Variants in PRDM5 observed in about 807,000 individuals in gnomAD.
The protein encoded by PRDM5 is PR domain zinc finger protein 5.
In PRDM5, 56 loss-of-function variants were observed where a neutral mutation model predicts 81.2. That is an observed-to-expected ratio of 0.69 (90% CI 0.56 to 0.86). PRDM5 has a LOEUF of 0.86. PRDM5 is among the 40% of genes least tolerant of loss of function. The pLI, the probability that PRDM5 is intolerant of heterozygous loss-of-function variation, is 0.00. For missense variants in PRDM5, 697 were observed against 770.1 expected, an observed-to-expected ratio of 0.91 and a Z score of 1.12; for synonymous variants, 267 against 256.4, an observed-to-expected ratio of 1.04 and a Z score of -0.39.
At chr4:120,852,803 CT>C (rs11383705) in intron 3 of PRDM5, among the ~76,000 whole-genome samples, 48 of 138,756 alleles carry the variant, frequency 3.5e-4, no homozygotes, top group African/African-American at 4.8e-4. Context: ...TATATCCTTT[CT>C]TTTTTTTTTT....
At position 120,821,216 on chromosome 4, in the gene PRDM5, C is replaced by G; in HGVS notation, c.430G>C (p.Gly144Arg). The G allele has an allele frequency of 6.2e-7, 1 of 1,614,170 alleles. No homozygotes were observed. Among genetic ancestry groups the G allele is most frequent in the Non-Finnish European group, 8.5e-7 (1 of 1,180,030 alleles). ...TGTCTTCTAGAATTTTCAACTTCCC[C>G]TTCTTTGATGACTGTCATAATTTGC... ...EQQIMTVIKE[G>R]EVENSRRQST... Residue 144 changes from glycine to arginine, a missense_variant, in exon 4 of 16, where the codon GGG becomes CGG. Coordinates refer to ENST00000264808, the MANE Select transcript of PRDM5 (RefSeq NM_018699.4).
intron 2 of PRDM5, among the ~76,000 whole-genome samples, chr4:120,886,417 A>C (rs1763444510): frequency 6.6e-6 from 1 of 152,218 alleles, no homozygotes; most frequent in South Asian, 2.1e-4. Flanking sequence ...TAATAACTGC[A>C]AAGAATGAGA....
At chr4:120,686,645 G>A (rs190522486) in intron 1 of PRDM5, among the ~76,000 whole-genome samples, 215 of 152,034 alleles carry the variant, frequency 1.4e-3, no homozygotes, top group African/African-American at 5.1e-3. Flanking sequence ...TTAATTTGGT[G>A]TTTAAATAAG....
chr4:120,707,038 G>A (rs1736273071), intron 15 of PRDM5, among the ~76,000 whole-genome samples: 1 of 151,888 alleles, frequency 6.6e-6, no homozygotes, highest in Admixed American at 6.6e-5. Context: ...AAAGACAGAA[G>A]AGGAGGAAAC....
At chr4:120,896,989 T>C (rs1161893786) in intron 2 of PRDM5, 5 of 149,694 alleles carry the variant, frequency 3.3e-5, no homozygotes, top group Admixed American at 6.6e-5. Flanking sequence ...AGCCTTCCTA[T>C]AGTTTTTTTT....
intron 14 of PRDM5, among the ~76,000 whole-genome samples, chr4:120,736,639 C>T (rs754184863): frequency 2.8e-4 from 42 of 152,278 alleles, no homozygotes; most frequent in African/African-American, 8.7e-4. Context: ...TTTTACTCCA[C>T]GACCCACCCA....
intron 1 of PRDM5, among the ~76,000 whole-genome samples, chr4:120,914,455 AG>A: frequency 6.6e-6 from 1 of 152,284 alleles, no homozygotes; most frequent in Non-Finnish European, 1.5e-5. Context: ...ATTTTTTTAA[AG>A]GGATGAGAAG....
At chr4:120,722,837 G>C (rs191642273) in intron 14 of PRDM5, among the ~76,000 whole-genome samples, 7 of 152,300 alleles carry the variant, frequency 4.6e-5, no homozygotes, top group African/African-American at 1.4e-4. Context: ...AGGAGAGGCT[G>C]CTGGAGCTGC....
chr4:120,900,151 G>A (rs1421446632), intron 2 of PRDM5, among the ~76,000 whole-genome samples: 5 of 152,110 alleles, frequency 3.3e-5, no homozygotes, highest in Admixed American at 2.6e-4. Flanking sequence ...GGGTTTTTAT[G>A]GAAGCTTCAT....
At chr4:120,809,591 A>G (rs1036969852) in intron 8 of PRDM5, among the ~76,000 whole-genome samples, 1 of 152,224 alleles carries the variant, frequency 6.6e-6, no homozygotes, top group African/African-American at 2.4e-5. Context: ...ATTTTCAAGA[A>G]GAATCATAAT....
At position 120,828,211 on chromosome 4, in the gene PRDM5, T is replaced by C. The variant is rs111971594; in HGVS notation, c.301-6866A>G. 4.3e-3 allele frequency among the ~76,000 whole-genome samples: 654 copies of C among 152,184 alleles called. 2 individuals carry two copies. Among genetic ancestry groups the C allele is most frequent in the African/African-American group, 0.015 (614 of 41,536 alleles). ...ACTTGTCTTAGTCTAGCTTTCCTCATCTATAAAGTGGGTTCAATAGTATCT... is the reference window on the plus strand; with the variant it reads ...ACTTGTCTTAGTCTAGCTTTCCTCACCTATAAAGTGGGTTCAATAGTATCT... On this transcript the variant is annotated intron_variant, in intron 3 of 15. Coordinates refer to ENST00000264808, the MANE Select transcript of PRDM5 (RefSeq NM_018699.4).
At chr4:120,766,087 G>A (rs915873617) in intron 13 of PRDM5, among the ~76,000 whole-genome samples, 1 of 151,914 alleles carries the variant, frequency 6.6e-6, no homozygotes, top group Non-Finnish European at 1.5e-5. Context: ...AGCCTCATGA[G>A]TAGCTGGGAT....
intron 8 of PRDM5, among the ~76,000 whole-genome samples, chr4:120,807,120 C>G (rs529737457): frequency 5.2e-4 from 79 of 152,296 alleles, no homozygotes; most frequent in African/African-American, 1.9e-3. Flanking sequence ...CACTGGCCAT[C>G]AGAGAAATGC....
chr4:120,781,361 C>G lies in PRDM5; in HGVS notation c.1283-58G>C, dbSNP rs116566216. ...TAGCAGGGTCCTATTAATTTCCTCC[C>G]ATGTATGCCAGACTTAGTTGCTTTC... is the stretch of plus-strand genomic sequence containing the variant. On this transcript the variant is annotated intron_variant, in intron 11 of 15. Coordinates refer to ENST00000264808, the MANE Select transcript of PRDM5 (RefSeq NM_018699.4). 14,555 of 1,482,750 alleles carry G rather than the reference C, an allele frequency of 9.8e-3. 84 individuals carry two copies. The highest frequency in any genetic ancestry group is 0.013 in the Non-Finnish European group (13,410 of 1,068,694). 91.8% of individuals were successfully genotyped at this position (1,482,750 alleles called of 1,614,324 possible).
At chr4:120,900,119 A>G (rs1765076147) in intron 2 of PRDM5, among the ~76,000 whole-genome samples, 1 of 152,092 alleles carries the variant, frequency 6.6e-6, no homozygotes, top group Non-Finnish European at 1.5e-5. Context: ...TTATCTGGAA[A>G]CCCTCAGAAC....
intron 8 of PRDM5, among the ~76,000 whole-genome samples, chr4:120,811,037 T>C (rs1753760121): frequency 6.6e-6 from 1 of 152,146 alleles, no homozygotes; most frequent in Admixed American, 6.5e-5. Flanking sequence ...TCCTTCTCTT[T>C]TGTAAAGAAA....
intron 9 of PRDM5, among the ~76,000 whole-genome samples, chr4:120,799,138 C>T (rs1475016520): frequency 4.6e-5 from 7 of 152,070 alleles, no homozygotes; most frequent in African/African-American, 1.4e-4. Context: ...TAAAACAGAG[C>T]TATTCATAAG....
intron 2 of PRDM5, among the ~76,000 whole-genome samples, chr4:120,882,921 G>A (rs916899667): frequency 6.6e-5 from 10 of 152,106 alleles, no homozygotes; most frequent in African/African-American, 2.4e-4. Context: ...AAAGAATAAA[G>A]CTGTTTGGTA....
In PRDM5 at chr4:120,732,711, T is replaced by C. The variant is rs1411237432; in HGVS notation, c.1623+21842A>G. 3.0e-4 allele frequency among the ~76,000 whole-genome samples: 45 copies of C among 152,350 alleles called. No individual in the cohort carries two copies. In the East Asian group the frequency reaches 5.6e-3, roughly 19 times the overall value. ...CCTGCTCTCTAACCTAACCTGTTAT[T>C]CAGTTTCCCTTTAATTTCATGACCA... On this transcript the variant is annotated intron_variant, in intron 14 of 15. Transcript: ENST00000264808.
Sources: allele counts gnomAD v4.1 joint callset (sites outside exome capture counted in the v4.1 genomes callset), GRCh38; gene constraint gnomAD v4.1.1; transcripts MANE v1.5; gene names NCBI Gene and HGNC (gene_info 2026-07-23, HGNC 2026-07-21).